DENND1A: variants seen among roughly 807,000 people sequenced by gnomAD.
DENND1A encodes the protein DENN domain-containing protein 1A.
DENND1A carries 51 observed loss-of-function variants against 113.7 expected under a neutral mutation model. The observed-to-expected ratio is 0.45, with a 90% CI of 0.36 to 0.57. DENND1A has a LOEUF of 0.57. Among genes scored for constraint, DENND1A ranks in the 20% least tolerant of loss-of-function variants. The pLI, the probability that DENND1A is intolerant of heterozygous loss-of-function variation, is 0.00. For missense variants in DENND1A, 1,258 were observed against 1,395.9 expected, an observed-to-expected ratio of 0.90 and a Z score of 1.57; for synonymous variants, 565 against 570.8, an observed-to-expected ratio of 0.99 and a Z score of 0.14.
At chr9:123,766,094 G>C (rs550829454) in intron 4 of DENND1A, among the ~76,000 whole-genome samples, 1 of 152,288 alleles carries the variant, frequency 6.6e-6, no homozygotes, top group East Asian at 1.9e-4. Flanking sequence ...TCTCCCCAGC[G>C]AGCTCCATCT....
chr9:123,472,608 A>T (rs528574633), intron 13 of DENND1A, among the ~76,000 whole-genome samples: 1 of 152,050 alleles, frequency 6.6e-6, no homozygotes, highest in Non-Finnish European at 1.5e-5. Flanking sequence ...CGAGGGAAAC[A>T]TGCCCAGGAG....
chr9:123,393,006 T>G (rs2042934959), intron 21 of DENND1A, among the ~76,000 whole-genome samples: 1 of 152,242 alleles, frequency 6.6e-6, no homozygotes, highest in Non-Finnish European at 1.5e-5. Flanking sequence ...TTCCTTTTTA[T>G]GACTGAGTAG....
At chr9:123,817,361 C>G (rs554855125) in intron 2 of DENND1A, among the ~76,000 whole-genome samples, 3 of 152,136 alleles carry the variant, frequency 2.0e-5, no homozygotes, top group African/African-American at 7.2e-5. Context: ...TTGGTCCACA[C>G]GCCGGGGGGT....
intron 5 of DENND1A, among the ~76,000 whole-genome samples, chr9:123,688,757 T>C (rs2064985124): frequency 6.6e-6 from 1 of 152,202 alleles, no homozygotes. Context: ...AAAATGCCAC[T>C]GGTCACTCTC....
chr9:123,622,253 T>C (rs1219087566), intron 10 of DENND1A, among the ~76,000 whole-genome samples: 1 of 152,244 alleles, frequency 6.6e-6, no homozygotes, highest in African/African-American at 2.4e-5. Flanking sequence ...TTTGAAAATA[T>C]TTTATCACAA....
chr9:123,901,746 T>C (rs994547560), intron 1 of DENND1A, among the ~76,000 whole-genome samples: 1 of 152,210 alleles, frequency 6.6e-6, no homozygotes, highest in Admixed American at 6.5e-5. Context: ...GATGTCTGCC[T>C]GTAATCCCAG....
At chr9:123,484,264 C>T (rs754946459) in intron 13 of DENND1A, among the ~76,000 whole-genome samples, 2 of 152,140 alleles carry the variant, frequency 1.3e-5, no homozygotes, top group African/African-American at 2.4e-5. Context: ...TGGGTTTAAT[C>T]GCACCTCTAA....
chr9:123,633,879 C>T (rs964648988), intron 9 of DENND1A, among the ~76,000 whole-genome samples: 3 of 152,152 alleles, frequency 2.0e-5, no homozygotes, highest in African/African-American at 7.2e-5. Flanking sequence ...CATCCATTCG[C>T]CCATTCATTC....
rs1001083342 is a variant in DENND1A at position 123,599,377 on chromosome 9, A to G, written c.765+10059T>C. Among the ~76,000 whole-genome samples the G allele has an allele frequency of 4.5e-4, 69 of 152,222 alleles. No individual in the cohort carries two copies. The East Asian group carries it at 0.01, about 23-fold the overall frequency. ...TGGAGAAATTAGTTTAGCAGGGGGG[A>G]AAAAAGGCATGGTTACTACATCACA... is the stretch of plus-strand genomic sequence containing the variant. On this transcript the variant is annotated intron_variant, in intron 11 of 23. Transcript: ENST00000394215.
At chr9:123,869,709 T>TCAGG (rs917265589) in intron 2 of DENND1A, among the ~76,000 whole-genome samples, 3 of 152,160 alleles carry the variant, frequency 2.0e-5, no homozygotes, top group Non-Finnish European at 4.4e-5. Context: ...GTATCAAGAA[T>TCAGG]CAGGGTCCAG....
At chr9:123,927,355 G>A (rs781104609) in intron 1 of DENND1A, among the ~76,000 whole-genome samples, 98 of 152,038 alleles carry the variant, frequency 6.4e-4, no homozygotes, top group Admixed American at 1.2e-3. Flanking sequence ...CATGTTAACA[G>A]CCTAATTCCT....
intron 2 of DENND1A, among the ~76,000 whole-genome samples, chr9:123,822,130 A>G (rs2132627757): frequency 6.6e-6 from 1 of 152,336 alleles, no homozygotes; most frequent in East Asian, 1.9e-4. Context: ...GTCCCCATAT[A>G]TAATCTGAGT....
chr9:123,507,825 A>AAAATAAATAAATAAATAAAT (rs35086659), intron 13 of DENND1A, among the ~76,000 whole-genome samples: 1 of 148,744 alleles, frequency 6.7e-6, no homozygotes, highest in Non-Finnish European at 1.5e-5. Context: ...AACCTATCTC[A>AAAATAAATAAATAAATAAAT]AAATAAATAA....
intron 1 of DENND1A, among the ~76,000 whole-genome samples, chr9:123,879,557 C>T (rs1379970149): frequency 6.6e-6 from 1 of 151,842 alleles, no homozygotes; most frequent in South Asian, 2.1e-4. Context: ...AAATTATACA[C>T]ACACACACAC....
intron 2 of DENND1A, among the ~76,000 whole-genome samples, chr9:123,839,054 G>A (rs962948448): frequency 1.3e-5 from 2 of 152,180 alleles, no homozygotes; most frequent in East Asian, 1.9e-4. Context: ...TGGAGGCCAC[G>A]GGGACCATCC....
intron 1 of DENND1A, among the ~76,000 whole-genome samples, chr9:123,917,188 A>C (rs2134104248): frequency 6.6e-6 from 1 of 151,504 alleles, no homozygotes; most frequent in East Asian, 1.9e-4. Flanking sequence ...TGTCTCAAAA[A>C]ACAAAACAAC....
intron 13 of DENND1A, among the ~76,000 whole-genome samples, chr9:123,468,707 G>A (rs971065646): frequency 6.6e-6 from 1 of 152,214 alleles, no homozygotes; most frequent in Admixed American, 6.5e-5. Context: ...CTAGTGTGGT[G>A]TCTGGCCTAA....
chr9:123,661,975 A>T (rs2063261139), intron 8 of DENND1A, among the ~76,000 whole-genome samples: 1 of 152,150 alleles, frequency 6.6e-6, no homozygotes, highest in Non-Finnish European at 1.5e-5. Flanking sequence ...TATTTTTTCA[A>T]AGAAATAATG....
At chr9:123,745,078 C>T (rs2069376343) in intron 5 of DENND1A, among the ~76,000 whole-genome samples, 1 of 151,894 alleles carries the variant, frequency 6.6e-6, no homozygotes, top group Non-Finnish European at 1.5e-5. Context: ...GCCTGGCCTA[C>T]TTATATTATC....
Sources: allele counts gnomAD v4.1 joint callset (sites outside exome capture counted in the v4.1 genomes callset), GRCh38; gene constraint gnomAD v4.1.1; transcripts MANE v1.5; gene names NCBI Gene and HGNC (gene_info 2026-07-23, HGNC 2026-07-21).